The following DCBLD2 variants were observed in gnomAD, a reference collection of about 807,000 sequenced individuals.
The protein encoded by DCBLD2 is discoidin, CUB and LCCL domain-containing protein 2.
Under a neutral mutation model 86.8 loss-of-function variants are expected in DCBLD2, and 54 were observed. The observed-to-expected ratio is 0.62, with a 90% CI of 0.50 to 0.78. The LOEUF is 0.78. Among genes scored for constraint, DCBLD2 ranks in the 30% least tolerant of loss-of-function variants. DCBLD2 has a pLI of 0.00. For synonymous variants in DCBLD2, 354 were observed against 341.3 expected (o/e 1.04, Z -0.41); for missense variants, 908 against 954.2 (o/e 0.95, Z 0.64).
intron 1 of DCBLD2, among the ~76,000 whole-genome samples, chr3:98,884,524 G>A (rs986888607): frequency 6.6e-6 from 1 of 151,724 alleles, no homozygotes; most frequent in African/African-American, 2.4e-5. Context: ...GAAAATAAAT[G>A]AATTGTAAGA....
rs917683253 is a variant in DCBLD2 at position 98,797,465 on chromosome 3, GA to G, written c.*1906del. ...AGTATATTCTCTGTGTACTAAGGATGAATTAAAAAATCAACTGGTTTGCTCT... is the reference window on the plus strand; with the variant it reads ...AGTATATTCTCTGTGTACTAAGGATGATTAAAAAATCAACTGGTTTGCTCT... On this transcript the variant is annotated 3_prime_UTR_variant, in exon 16 of 16. Transcript: ENST00000326840. 1.1e-4 allele frequency: 17 copies of G among 152,662 alleles called. No individual in the cohort carries two copies. The highest frequency in any genetic ancestry group is 4.1e-4 in the African/African-American group (17 of 41,550). The allele number at this position is 152,662 out of a possible 1,614,324, so 9.5% of individuals were successfully genotyped here.
intron 1 of DCBLD2, among the ~76,000 whole-genome samples, chr3:98,883,957 T>C (rs1269974087): frequency 6.6e-6 from 1 of 152,116 alleles, no homozygotes; most frequent in Non-Finnish European, 1.5e-5. Context: ...TAGTAAGTGG[T>C]GGATGCTAAA....
chr3:98,879,919 C>A (rs1329153161), intron 2 of DCBLD2, among the ~76,000 whole-genome samples: 1 of 152,216 alleles, frequency 6.6e-6, no homozygotes, highest in Non-Finnish European at 1.5e-5. Context: ...CTGTGGTTCA[C>A]TTTTCCTCAC....
intron 3 of DCBLD2, among the ~76,000 whole-genome samples, chr3:98,836,628 G>T (rs1431128666): frequency 7.4e-6 from 1 of 135,130 alleles, no homozygotes; most frequent in Admixed American, 7.3e-5. Flanking sequence ...CAGACGGGGC[G>T]GCTGGCCGGG....
intron 2 of DCBLD2, among the ~76,000 whole-genome samples, chr3:98,879,212 C>T (rs1431981714): frequency 6.6e-6 from 1 of 152,140 alleles, no homozygotes; most frequent in Non-Finnish European, 1.5e-5. Context: ...CTAATGTGCC[C>T]TTGTTTCTCC....
intron 4 of DCBLD2, among the ~76,000 whole-genome samples, chr3:98,823,716 G>T (rs1297823468): frequency 1.3e-5 from 2 of 152,214 alleles, no homozygotes; most frequent in Admixed American, 6.5e-5. Context: ...TTAATGAATT[G>T]CCAGGTAGCA....
At chr3:98,808,201 A>C in intron 12 of DCBLD2, 27 bp from the exon 13 acceptor site, 8 of 1,566,618 alleles carry the variant, frequency 5.1e-6, no homozygotes, top group Non-Finnish European at 6.9e-6. Flanking sequence ...AAAAACAGAC[A>C]AACAAAAGCC....
rs200991963 is a variant in DCBLD2, at chr3:98,799,615, C to T, written c.2085G>A (p.Gln695=). The T allele has an allele frequency of 5.1e-5, 82 of 1,613,976 alleles. 1 individual carries two copies. In the East Asian group the frequency reaches 1.8e-3, roughly 35 times the overall value. The part of the protein sequence containing the change: ...MSGHPTTSVG[Q]PSTSTFKATG... ...TAGCCTTGAAAGTGGATGTGGAGGGCTGACCAACTGAAGTTGTGGGGTGCC... is the reference window on the plus strand; with the variant it reads ...TAGCCTTGAAAGTGGATGTGGAGGGTTGACCAACTGAAGTTGTGGGGTGCC... Residue 695 remains glutamine (Q), a synonymous_variant, in exon 16 of 16, where the codon CAG becomes CAA. Coordinates refer to ENST00000326840, the MANE Select transcript of DCBLD2 (RefSeq NM_080927.4).
chr3:98,870,757 G>GA (rs71124008), intron 2 of DCBLD2, among the ~76,000 whole-genome samples: 35,914 of 109,364 alleles, frequency 0.33, 6,501 homozygotes, highest in Non-Finnish European at 0.36. Context: ...AAGAAAGAAA[G>GA]AAAGAAAGAA....
At chr3:98,802,900 T>A (rs1941756789) in intron 13 of DCBLD2, among the ~76,000 whole-genome samples, 1 of 152,166 alleles carries the variant, frequency 6.6e-6, no homozygotes, top group Non-Finnish European at 1.5e-5. Context: ...TCTGTTCCAT[T>A]GGTCTATATC....
At position 98,797,473 on chromosome 3, in the gene DCBLD2, A is replaced by G. The variant is rs1941630635; in HGVS notation, c.*1899T>C. ...CTCTGTGTACTAAGGATGAATTAAAAAATCAACTGGTTTGCTCTCTTCCCA... is the reference window on the plus strand; with the variant it reads ...CTCTGTGTACTAAGGATGAATTAAAGAATCAACTGGTTTGCTCTCTTCCCA... On this transcript the variant is annotated 3_prime_UTR_variant, in exon 16 of 16. Coordinates refer to ENST00000326840, the MANE Select transcript of DCBLD2 (RefSeq NM_080927.4). 6.6e-6 allele frequency: 1 copy of G among 152,608 alleles called. No homozygotes were observed. The highest frequency in any genetic ancestry group is 6.5e-5 in the Admixed American group (1 of 15,278). The allele number at this position is 152,608 out of a possible 1,614,324, so 9.5% of individuals were successfully genotyped here. A position where few individuals can be genotyped will look rare whatever the true frequency, so the allele number is the denominator to read the frequency against.
chr3:98,853,013 G>A (rs1416475554), intron 2 of DCBLD2, among the ~76,000 whole-genome samples: 1 of 152,168 alleles, frequency 6.6e-6, no homozygotes, highest in Non-Finnish European at 1.5e-5. Flanking sequence ...TCCATGGGAA[G>A]TGAGATGATA....
intron 3 of DCBLD2, among the ~76,000 whole-genome samples, chr3:98,844,034 GCACACA>G (rs10574415): frequency 3.3e-4 from 48 of 145,532 alleles, no homozygotes; most frequent in East Asian, 8.4e-4. Context: ...AATCATGCAT[GCACACA>G]CACACACACA....
At chr3:98,857,692 C>A (rs896315659) in intron 2 of DCBLD2, among the ~76,000 whole-genome samples, 1 of 152,172 alleles carries the variant, frequency 6.6e-6, no homozygotes, top group African/African-American at 2.4e-5. Context: ...TATTTACAAT[C>A]CCTTAGCTAG....
chr3:98,844,523 G>A (rs9842522), intron 3 of DCBLD2, among the ~76,000 whole-genome samples: 54,659 of 151,626 alleles, frequency 0.36, 10,978 homozygotes, highest in East Asian at 0.71. Flanking sequence ...CACCACGCCC[G>A]GCTAATTTTT....
At chr3:98,901,056 A>T in intron 1 of DCBLD2, 66 bp downstream of exon 1, 1 of 1,534,042 alleles carries the variant, frequency 6.5e-7, no homozygotes, top group Non-Finnish European at 8.7e-7. Flanking sequence ...AGATTTGTTC[A>T]GGGGCCAAGA....
chr3:98,810,776 T>C (rs1941924223), intron 12 of DCBLD2, among the ~76,000 whole-genome samples: 1 of 152,206 alleles, frequency 6.6e-6, no homozygotes, highest in African/African-American at 2.4e-5. Context: ...TAGTTTCTAC[T>C]AAAAGTTCTG....
intron 2 of DCBLD2, among the ~76,000 whole-genome samples, chr3:98,876,742 AAATATTGAAAGCAACC>A (rs1441524504): frequency 1.3e-5 from 2 of 152,222 alleles, no homozygotes; most frequent in African/African-American, 4.8e-5. Context: ...TGTAACTGTA[AAATATTGAAAGCAACC>A]AATACAACCA....
intron 13 of DCBLD2, among the ~76,000 whole-genome samples, chr3:98,803,805 TGTA>T (rs1941776253): frequency 6.6e-6 from 1 of 152,214 alleles, no homozygotes; most frequent in African/African-American, 2.4e-5. Flanking sequence ...GAGATAATCA[TGTA>T]GTGTTTGTCT....
Sources: allele counts gnomAD v4.1 joint callset (sites outside exome capture counted in the v4.1 genomes callset), GRCh38; gene constraint gnomAD v4.1.1; transcripts MANE v1.5; gene names NCBI Gene and HGNC (gene_info 2026-07-23, HGNC 2026-07-21).